The following RABGEF1 variants were observed in gnomAD, a reference collection of about 807,000 sequenced individuals.
RABGEF1 encodes the protein rab5 GDP/GTP exchange factor.
Under a neutral mutation model 57.3 loss-of-function variants are expected in RABGEF1, and 26 were observed. The ratio of observed to expected loss-of-function variants is 0.45; its 90% CI spans 0.33 to 0.63. RABGEF1 has a LOEUF of 0.63. RABGEF1 is among the 20% of genes least tolerant of loss of function. RABGEF1 has a pLI of 0.02. For synonymous variants in RABGEF1, 185 were observed against 210.7 expected, an observed-to-expected ratio of 0.88 and a Z score of 1.06; for missense variants, 464 against 607.6, an observed-to-expected ratio of 0.76 and a Z score of 2.48.
At chr7:66,797,554 A>C (rs1360020149) in intron 6 of RABGEF1, 48 bp downstream of exon 6, 1 of 1,578,820 alleles carries the variant, frequency 6.3e-7, no homozygotes. Flanking sequence ...TTCTAATGGA[A>C]GAACACACTG....
upstream of RABGEF1, chr7:66,682,101 T>C (rs559021077): frequency 1.9e-3 from 325 of 167,856 alleles, 4 homozygotes; most frequent in Non-Finnish European, 1.6e-4. Context: ...GGGCGTGCGC[T>C]GGCGGTGCCG....
At chr7:66,684,736 G>A (rs1790338708) in intron 1 of RABGEF1, among the ~76,000 whole-genome samples, 1 of 152,126 alleles carries the variant, frequency 6.6e-6, no homozygotes, top group African/African-American at 2.4e-5. Flanking sequence ...CAGGGTTCAT[G>A]CCATTCTCCT....
At chr7:66,793,148 C>T (rs537450335) in intron 4 of RABGEF1, among the ~76,000 whole-genome samples, 18 of 152,184 alleles carry the variant, frequency 1.2e-4, no homozygotes, top group African/African-American at 4.3e-4. Flanking sequence ...TAGTTGGAAG[C>T]GAGCACTACA....
intron 1 of RABGEF1, among the ~76,000 whole-genome samples, chr7:66,697,450 C>T (rs76953626): frequency 0.037 from 5,568 of 152,246 alleles, 156 homozygotes; most frequent in East Asian, 0.084. Flanking sequence ...ACGTCTCTCC[C>T]TTCACAGTGG....
At chr7:66,690,997 A>G (rs543233568) in intron 1 of RABGEF1, among the ~76,000 whole-genome samples, 4 of 151,996 alleles carry the variant, frequency 2.6e-5, no homozygotes, top group Non-Finnish European at 5.9e-5. Flanking sequence ...AGGCTGGGGC[A>G]TGAGAATCGC....
intron 4 of RABGEF1, among the ~76,000 whole-genome samples, chr7:66,788,293 A>G (rs1489870806): frequency 6.6e-6 from 1 of 152,102 alleles, no homozygotes; most frequent in Non-Finnish European, 1.5e-5. Context: ...AAAAATACAA[A>G]AATTAGCTGG....
At chr7:66,773,689 A>G (rs760552253) in intron 2 of RABGEF1, 1 of 454,066 alleles carries the variant, frequency 2.2e-6, no homozygotes, top group South Asian at 1.6e-5. Context: ...TTTTTGAGAC[A>G]GGGTCTTGCT....
At chr7:66,705,502 A>C in intron 1 of RABGEF1, among the ~76,000 whole-genome samples, 1 of 119,152 alleles carries the variant, frequency 8.4e-6, no homozygotes, top group African/African-American at 3.3e-5. Flanking sequence ...GGGGAGGGGG[A>C]GGAAGCAGAG....
intron 1 of RABGEF1, among the ~76,000 whole-genome samples, chr7:66,758,490 C>T (rs1472242377): frequency 6.6e-6 from 1 of 152,210 alleles, no homozygotes; most frequent in Non-Finnish European, 1.5e-5. Flanking sequence ...TATTGGAATG[C>T]AGTGCTCCAA....
At chr7:66,663,245 G>C in the RABGEF1 span, among the ~76,000 whole-genome samples, 1 of 152,194 alleles carries the variant, frequency 6.6e-6, no homozygotes, top group Non-Finnish European at 1.5e-5. Context: ...CTGGTTTGCT[G>C]TTAATAAATA....
intron 4 of RABGEF1, among the ~76,000 whole-genome samples, chr7:66,784,626 T>G (rs1202718242): frequency 2.0e-5 from 3 of 152,236 alleles, no homozygotes; most frequent in Non-Finnish European, 4.4e-5. Flanking sequence ...CAGCAGGGTG[T>G]TTAACTGTTT....
intron 4 of RABGEF1, among the ~76,000 whole-genome samples, chr7:66,790,029 T>G (rs1269779496): frequency 6.6e-6 from 1 of 152,198 alleles, no homozygotes; most frequent in Non-Finnish European, 1.5e-5. Context: ...TGAAGGAGGC[T>G]GTAGAAGAAG....
At chr7:66,696,707 A>AAAAAAG (rs1562705924) in intron 1 of RABGEF1, among the ~76,000 whole-genome samples, 15 of 144,370 alleles carry the variant, frequency 1.0e-4, no homozygotes, top group Non-Finnish European at 6.2e-5. Flanking sequence ...AAAAAAAAAA[A>AAAAAAG]AAAAAGAAAA....
At chr7:66,682,453 C>G (rs1238286729) in intron 1 of RABGEF1, among the ~76,000 whole-genome samples, 1 of 152,224 alleles carries the variant, frequency 6.6e-6, no homozygotes, top group Non-Finnish European at 1.5e-5. Flanking sequence ...TCCCTTAATC[C>G]TCACAGTGCG....
At position 66,795,356 on chromosome 7, in the gene RABGEF1, A is replaced by G. The variant is rs545856598; in HGVS notation, c.514-155A>G. Among the ~76,000 whole-genome samples, 23 of 152,324 alleles carry G rather than the reference A, an allele frequency of 1.5e-4. No individual in the cohort carries two copies. In the East Asian group the frequency reaches 3.5e-3, roughly 23 times the overall value. On this transcript the variant is annotated intron_variant, in intron 4 of 8. Coordinates refer to ENST00000284957, the MANE Select transcript of RABGEF1 (RefSeq NM_014504.3). ...TGGATATTGGAAATAATATTAATGG[A>G]TAGGTTTTACTCTCCTGCAGGATTA...
At chr7:66,755,303 AC>A (rs1252064317) in intron 1 of RABGEF1, among the ~76,000 whole-genome samples, 23 of 138,962 alleles carry the variant, frequency 1.7e-4, no homozygotes, top group Non-Finnish European at 6.3e-5. Flanking sequence ...CAAAAAAAAA[AC>A]AAAAAACAAA....
chr7:66,670,259 G>T, the RABGEF1 span, among the ~76,000 whole-genome samples: 1 of 151,990 alleles, frequency 6.6e-6, no homozygotes, highest in Non-Finnish European at 1.5e-5. Context: ...GCTCTTCCCT[G>T]CAATTCTTTC....
At chr7:66,668,362 G>A in the RABGEF1 span, among the ~76,000 whole-genome samples, 7 of 152,284 alleles carry the variant, frequency 4.6e-5, no homozygotes, top group South Asian at 2.1e-4. Context: ...CTCCGAAAGC[G>A]TTGGGATTAC....
At chr7:66,654,830 C>G in the RABGEF1 span, among the ~76,000 whole-genome samples, 5,590 of 152,322 alleles carry the variant, frequency 0.037, 164 homozygotes, top group East Asian at 0.088. Context: ...AGGCCGCCCT[C>G]GGCTCCCTTA....
Sources: gnomAD v4.1 joint callset for allele counts (sites outside exome capture counted in the v4.1 genomes callset) on GRCh38, gnomAD v4.1.1 for gene constraint, MANE v1.5 for transcripts, NCBI Gene and HGNC (gene_info 2026-07-23, HGNC 2026-07-21) for gene names.